Variants in DBT observed in about 807,000 individuals in gnomAD.
The protein encoded by DBT is lipoamide acyltransferase component of branched-chain alpha-keto acid dehydrogenase complex, mitochondrial.
In DBT, 40 loss-of-function variants were observed where a neutral mutation model predicts 51.3. The observed-to-expected ratio is 0.78, with a 90% CI of 0.61 to 1.02. The LOEUF is 1.02. Ranked by LOEUF, DBT falls within the 50% of genes least tolerant of loss-of-function variation. The pLI is 0.00. For synonymous variants in DBT, 181 were observed against 190.4 expected (o/e 0.95, Z 0.41); for missense variants, 510 against 580.2 (o/e 0.88, Z 1.24).
rs761825178 is a variant in DBT at position 100,206,292 on chromosome 1, T to C, written c.1219A>G (p.Thr407Ala). The C allele has an allele frequency of 2.5e-6, 4 of 1,611,170 alleles. No individual in the cohort carries two copies. In the South Asian group the frequency reaches 3.3e-5, roughly 13 times the overall value. The change falls in exon 10 of 11, where the codon ACC becomes GCC. Residue 407 changes from threonine (T) to alanine (A), a missense_variant. By Grantham distance (58) the Thr-to-Ala change is moderately conservative (BLOSUM62 0). Coordinates refer to ENST00000370132, the MANE Select transcript of DBT (RefSeq NM_001918.5). Reference protein sequence around the residue: ...TLSNIGSIGGTFAKPVIMPPE... With the variant: ...TLSNIGSIGGAFAKPVIMPPE... ...GGCATTATCACTGGTTTGGCAAAGG[T>C]ACCACCAATCTATTTTTTAAAAAAA... is the stretch of plus-strand genomic sequence containing the variant.
chr1:100,191,102 T>TTTTACCA lies in DBT; in HGVS notation c.*5146_*5152dup, dbSNP rs1660786657. The TTTTACCA allele has an allele frequency of 6.6e-6, 1 of 152,204 alleles. No individual in the cohort carries two copies. Among genetic ancestry groups the TTTTACCA allele is most frequent in the African/African-American group, 2.4e-5 (1 of 41,452 alleles). The allele number at this position is 152,204 out of a possible 1,614,324, so 9.4% of individuals were successfully genotyped here. On this transcript the variant is annotated 3_prime_UTR_variant, in exon 11 of 11. Coordinates refer to ENST00000370132, the MANE Select transcript of DBT (RefSeq NM_001918.5). ...GGGAATTTTAACTTAACCTTTTACC[T>TTTTACCA]TTTACCATAATTAAGGTGCCAGTAT...
Position 100,204,359 on chromosome 1 carries a change from A to G in DBT, c.1281+1871T>C, listed in dbSNP as rs374712487. On this transcript the variant is annotated intron_variant, in intron 10 of 10. Transcript: ENST00000370132. ...GAGGAAACTCCCATTCACAATTGCT[A>G]TAAAGAGAATAAAATACCTAGGAAT... Among the ~76,000 whole-genome samples the G allele has an allele frequency of 7.9e-5, 12 of 152,190 alleles. 1 individual carries two copies. Among genetic ancestry groups the G allele is most frequent in the African/African-American group, 2.9e-4 (12 of 41,450 alleles).
At position 100,230,744 on chromosome 1, in the gene DBT, T is replaced by C. The variant is rs1180091715; in HGVS notation, c.422A>G (p.Glu141Gly). ...CAGACTTACAATACCTTTTAAAGCT[T>C]CCGTTTCTATGTCTACTAATGGCTT... The part of the protein sequence containing the change: ...VGKPLVDIET[E>G]ALKDSEEDVV... The change falls in exon 4 of 11, where the codon GAA (glutamate) becomes GGA (glycine). Residue 141 changes from glutamate to glycine, a missense_variant. By Grantham distance (98) the Glu-to-Gly change is moderately conservative. Transcript: ENST00000370132. 1.2e-6 allele frequency: 2 copies of C among 1,607,904 alleles called. No individual in the cohort carries two copies. Among genetic ancestry groups the C allele is most frequent in the Non-Finnish European group, 1.7e-6 (2 of 1,175,894 alleles).
At chr1:100,210,041 G>T (rs1041407562) in intron 8 of DBT, among the ~76,000 whole-genome samples, 3 of 152,108 alleles carry the variant, frequency 2.0e-5, no homozygotes, top group Admixed American at 2.0e-4. Flanking sequence ...GCCAGGCACA[G>T]TGGTTCATGC....
chr1:100,228,172 C>A (rs1021028268), intron 4 of DBT, among the ~76,000 whole-genome samples: 1 of 152,144 alleles, frequency 6.6e-6, no homozygotes, highest in East Asian at 1.9e-4. Flanking sequence ...TTAAAACTTA[C>A]TTCCAGCTTA....
intron 4 of DBT, among the ~76,000 whole-genome samples, chr1:100,220,420 C>T (rs1662782666): frequency 6.6e-6 from 1 of 152,174 alleles, no homozygotes; most frequent in African/African-American, 2.4e-5. Flanking sequence ...TCTGCTTTGA[C>T]AGTTTTGACA....
intron 10 of DBT, among the ~76,000 whole-genome samples, chr1:100,200,252 T>TA (rs1661358539): frequency 6.6e-6 from 1 of 151,988 alleles, no homozygotes; most frequent in Non-Finnish European, 1.5e-5. Context: ...GAGGCTTGAG[T>TA]AGGCGGTCTT....
intron 7 of DBT, chr1:100,213,526 T>A: frequency 3.5e-5 from 54 of 1,551,754 alleles, no homozygotes; most frequent in Non-Finnish European, 4.7e-5. Context: ...TGGGAGGCTG[T>A]CCCGTCTGCA....
chr1:100,196,081 A>G lies in DBT; in HGVS notation c.*174T>C, dbSNP rs1661070539. 3 of 666,708 alleles carry G rather than the reference A, an allele frequency of 4.5e-6. No homozygotes were observed. Among genetic ancestry groups the G allele is most frequent in the African/African-American group, 3.6e-5 (2 of 55,264 alleles). 41.3% of individuals were successfully genotyped at this position (666,708 alleles called of 1,614,324 possible). A position where few individuals can be genotyped will look rare whatever the true frequency, so the allele number is the denominator to read the frequency against. On this transcript the variant is annotated 3_prime_UTR_variant, in exon 11 of 11. Transcript: ENST00000370132. ...GCCCCAGGAGAACCATTACACCATT[A>G]TTCATTTTCAGTAAAAAGTCTAATA...
chr1:100,218,655 C>A lies in DBT; in HGVS notation c.526G>T (p.Ala176Ser). 6.2e-7 allele frequency: 1 copy of A among 1,613,988 alleles called. No individual in the cohort carries two copies. Among genetic ancestry groups the A allele is most frequent in the Non-Finnish European group, 8.5e-7 (1 of 1,179,942 alleles). Residue 176 changes from alanine (A) to serine (S), a missense_variant, in exon 5 of 11, where the codon GCA becomes TCA. By Grantham distance (99) the Ala-to-Ser change is moderately conservative (BLOSUM62 1). Coordinates refer to ENST00000370132, the MANE Select transcript of DBT (RefSeq NM_001918.5). Reference sequence around the variant, plus strand: ...TTTTCCATTGCCAGACGGCGAACTGCAGGAGTTGCCAGTGTTTTTCGGCCC... The same window carrying A: ...TTTTCCATTGCCAGACGGCGAACTGAAGGAGTTGCCAGTGTTTTTCGGCCC... The part of the protein sequence containing the change: ...IKGRKTLATP[A>S]VRRLAMENNI...
intron 1 of DBT, among the ~76,000 whole-genome samples, chr1:100,242,294 G>A (rs1664273263): frequency 6.6e-6 from 1 of 151,762 alleles, no homozygotes; most frequent in African/African-American, 2.4e-5. Flanking sequence ...GTACAGTCAT[G>A]TTTTAATACA....
intron 5 of DBT, among the ~76,000 whole-genome samples, chr1:100,218,167 C>T (rs1259655866): frequency 2.0e-5 from 3 of 152,276 alleles, no homozygotes; most frequent in South Asian, 4.1e-4. Flanking sequence ...CAGAGTCTTT[C>T]TTTTTTTACT....
intron 1 of DBT, among the ~76,000 whole-genome samples, chr1:100,246,730 A>T (rs1664560949): frequency 6.6e-6 from 1 of 152,228 alleles, no homozygotes; most frequent in African/African-American, 2.4e-5. Context: ...GGGATTATAC[A>T]GAGAACAAAA....
At chr1:100,205,469 T>C (rs1483993492) in intron 10 of DBT, among the ~76,000 whole-genome samples, 3 of 152,092 alleles carry the variant, frequency 2.0e-5, no homozygotes, top group Non-Finnish European at 2.9e-5. Flanking sequence ...GGAGAGAATA[T>C]AGAGAGATAG....
At chr1:100,200,570 GCCT>G (rs1200831418) in intron 10 of DBT, among the ~76,000 whole-genome samples, 1 of 152,240 alleles carries the variant, frequency 6.6e-6, no homozygotes, top group Non-Finnish European at 1.5e-5. Context: ...GGGACAGACT[GCCT>G]CCTCAAGTGG....
rs567645215 is a variant in DBT at position 100,194,680 on chromosome 1, T to C, written c.*1575A>G. On this transcript the variant is annotated 3_prime_UTR_variant, in exon 11 of 11. Transcript: ENST00000370132. ...TGTTTTTTGAGATGGGATCTCACTA[T>C]GTTGCCCAGGCTGGTCTCAAACTCC... 4 of 152,456 alleles carry C rather than the reference T, an allele frequency of 2.6e-5. No individual in the cohort carries two copies. Among genetic ancestry groups the C allele is most frequent in the Middle Eastern group, 3.4e-3 (1 of 296 alleles). 9.4% of individuals were successfully genotyped at this position (152,456 alleles called of 1,614,324 possible).
intron 2 of DBT, among the ~76,000 whole-genome samples, chr1:100,239,851 C>CAAAAAAAAAA (rs56661922): frequency 1.9e-4 from 21 of 111,204 alleles, no homozygotes; most frequent in Non-Finnish European, 2.7e-4. Context: ...CAACAGAGCT[C>CAAAAAAAAAA]AAAAAAAAAA....
intron 10 of DBT, among the ~76,000 whole-genome samples, chr1:100,204,938 C>G (rs1436404731): frequency 1.3e-5 from 2 of 152,132 alleles, no homozygotes; most frequent in Admixed American, 1.3e-4. Context: ...TTCCTTACAC[C>G]TTATACAAAA....
chr1:100,245,649 T>A (rs1412462493), intron 1 of DBT, among the ~76,000 whole-genome samples: 1 of 152,186 alleles, frequency 6.6e-6, no homozygotes, highest in Non-Finnish European at 1.5e-5. Flanking sequence ...AATAGGTCTT[T>A]CCTTGATTTT....
Sources: allele counts gnomAD v4.1 joint callset (sites outside exome capture counted in the v4.1 genomes callset), GRCh38; gene constraint gnomAD v4.1.1; transcripts MANE v1.5; gene names NCBI Gene and HGNC (gene_info 2026-07-23, HGNC 2026-07-21).